Variants in COA1 observed in about 807,000 individuals in gnomAD.
COA1 encodes the protein cytochrome c oxidase assembly factor 1 homolog.
COA1 carries 13 observed loss-of-function variants against 16.0 expected under a neutral mutation model. The ratio of observed to expected loss-of-function variants is 0.81; its 90% CI spans 0.53 to 1.29. COA1 has a LOEUF of 1.29. COA1 is among the 50% of genes most tolerant of loss of function. COA1 has a pLI of 0.00. For missense variants in COA1, 179 were observed against 177.0 expected (o/e 1.01, Z -0.06); for synonymous variants, 65 against 65.7 (o/e 0.99, Z 0.05).
intron 1 of COA1, among the ~76,000 whole-genome samples, chr7:43,671,183 G>C (rs756017869): frequency 1.3e-5 from 2 of 152,048 alleles, no homozygotes; most frequent in African/African-American, 4.8e-5. Context: ...AAAACTCCTA[G>C]AAGAAACATG....
At chr7:43,698,974 T>C (rs1439568458) in intron 1 of COA1, among the ~76,000 whole-genome samples, 1 of 152,166 alleles carries the variant, frequency 6.6e-6, no homozygotes, top group Admixed American at 6.5e-5. Context: ...TTAGCATAAA[T>C]ATTCTTGCAA....
chr7:43,703,161 G>C (rs1274813030), intron 1 of COA1, among the ~76,000 whole-genome samples: 6 of 152,002 alleles, frequency 3.9e-5, no homozygotes, highest in Admixed American at 3.3e-4. Context: ...GGATCTTCTT[G>C]GTATTGAGTT....
rs192141299 is a variant in COA1, at chr7:43,639,740, G to A, written c.342-59C>T. On this transcript the variant is annotated intron_variant, in intron 5 of 5. Transcript: ENST00000223336. ...TATGAAGGCTGAGGCAACAGCCGTA[G>A]TCAAAAAAAGGGGCGCGGAAAGCAG... The A allele has an allele frequency of 3.6e-4, 488 of 1,344,224 alleles. 1 individual carries two copies. In the African/African-American group the frequency reaches 6.4e-3, roughly 18 times the overall value. 83.3% of individuals were successfully genotyped at this position (1,344,224 alleles called of 1,614,324 possible).
intron 1 of COA1, among the ~76,000 whole-genome samples, chr7:43,687,192 C>T (rs1214109673): frequency 6.6e-6 from 1 of 152,188 alleles, no homozygotes; most frequent in Non-Finnish European, 1.5e-5. Flanking sequence ...TTCCTATTCC[C>T]TCCCACAGTA....
At chr7:43,635,992 TA>T (rs2085811869), downstream of COA1, among the ~76,000 whole-genome samples, 1 of 152,170 alleles carries the variant, frequency 6.6e-6, no homozygotes, top group Non-Finnish European at 1.5e-5. Flanking sequence ...ATAAGTCAAT[TA>T]AAAAGTTTCC....
intron 6 of COA1, among the ~76,000 whole-genome samples, chr7:43,612,320 A>T (rs969075891): frequency 1.3e-5 from 2 of 152,180 alleles, no homozygotes; most frequent in Non-Finnish European, 2.9e-5. Context: ...TGGGGTTGGT[A>T]TGGCAACCAT....
chr7:43,624,008 C>T (rs908231954), intron 6 of COA1: 26 of 674,914 alleles, frequency 3.9e-5, no homozygotes, highest in Non-Finnish European at 5.2e-5. Flanking sequence ...ACTTCTAAAA[C>T]ACCATAATGG....
chr7:43,663,937 C>G (rs2092679287), intron 1 of COA1, among the ~76,000 whole-genome samples: 1 of 151,942 alleles, frequency 6.6e-6, no homozygotes, highest in South Asian at 2.1e-4. Flanking sequence ...ATGGTGAAAC[C>G]CCATCTCTAC....
intron 6 of COA1, among the ~76,000 whole-genome samples, chr7:43,611,125 AAAAAG>A (rs1304580824): frequency 2.6e-5 from 4 of 152,240 alleles, no homozygotes; most frequent in Admixed American, 6.5e-5. Context: ...TCAAAACAAA[AAAAAG>A]AGGATACAGT....
chr7:43,679,125 G>C (rs1204495678), intron 1 of COA1, among the ~76,000 whole-genome samples: 2 of 152,042 alleles, frequency 1.3e-5, no homozygotes, highest in Admixed American at 1.3e-4. Context: ...AAATTAGCTG[G>C]GCATGGTGGC....
intron 1 of COA1, among the ~76,000 whole-genome samples, chr7:43,706,995 G>C (rs1030280587): frequency 6.6e-6 from 1 of 152,086 alleles, no homozygotes; most frequent in Non-Finnish European, 1.5e-5. Context: ...ACATGGAGAT[G>C]CCTATCTTTT....
chr7:43,614,346 A>G (rs1283412436), intron 6 of COA1, among the ~76,000 whole-genome samples: 1 of 152,030 alleles, frequency 6.6e-6, no homozygotes, highest in Non-Finnish European at 1.5e-5. Flanking sequence ...CTCCCTTACT[A>G]CCTGGGATTC....
At chr7:43,713,167 A>G in intron 1 of COA1, among the ~76,000 whole-genome samples, 1 of 152,052 alleles carries the variant, frequency 6.6e-6, no homozygotes, top group Non-Finnish European at 1.5e-5. Flanking sequence ...GCCCAGGCTG[A>G]TCTTGAACTC....
At chr7:43,614,083 G>C (rs1230329807) in intron 6 of COA1, among the ~76,000 whole-genome samples, 1 of 152,090 alleles carries the variant, frequency 6.6e-6, no homozygotes, top group Non-Finnish European at 1.5e-5. Context: ...CTGATAAAAT[G>C]TTCCTTAAAA....
At chr7:43,717,217 T>C (rs2095413336) in intron 1 of COA1, among the ~76,000 whole-genome samples, 1 of 152,088 alleles carries the variant, frequency 6.6e-6, no homozygotes, top group Non-Finnish European at 1.5e-5. Flanking sequence ...CACTGACAGC[T>C]TGCACCATCC....
intron 1 of COA1, among the ~76,000 whole-genome samples, chr7:43,704,761 C>T (rs1310895469): frequency 2.0e-5 from 3 of 152,160 alleles, no homozygotes; most frequent in African/African-American, 4.8e-5. Context: ...TCTATGTCGA[C>T]TAGCTTCCTT....
downstream of COA1, among the ~76,000 whole-genome samples, chr7:43,634,370 G>C (rs1011590464): frequency 3.3e-5 from 5 of 152,204 alleles, no homozygotes; most frequent in African/African-American, 1.2e-4. Context: ...TGGTGGGGTT[G>C]ATGGTTCAGG....
rs978106893 is a variant in COA1, at chr7:43,658,068, A to T, written c.-38-9416T>A. 1.2e-4 allele frequency among the ~76,000 whole-genome samples: 17 copies of T among 146,956 alleles called. 1 individual carries two copies. The highest frequency in any genetic ancestry group is 8.1e-4 in the Admixed American group (12 of 14,866). ...TAAAAAAATTAAGTCTATTTTATTT[A>T]TTTTTTTTAAAAAAGTTACTGCTGA... On this transcript the variant is annotated intron_variant, in intron 1 of 5. Transcript: ENST00000223336.
chr7:43,664,183 A>G (rs1234406673), intron 1 of COA1, among the ~76,000 whole-genome samples: 2 of 149,532 alleles, frequency 1.3e-5, no homozygotes, highest in South Asian at 2.1e-4. Flanking sequence ...TGCTGTGATC[A>G]TGGCATACTA....
Sources: allele counts gnomAD v4.1 joint callset (sites outside exome capture counted in the v4.1 genomes callset), GRCh38; gene constraint gnomAD v4.1.1; transcripts MANE v1.5; gene names NCBI Gene and HGNC (gene_info 2026-07-23, HGNC 2026-07-21).